Variants in GNAO1 observed in about 807,000 individuals in gnomAD.
GNAO1 encodes guanine nucleotide-binding protein G(o) subunit alpha.
For missense variants in GNAO1, 166 were observed against 478.7 expected, an observed-to-expected ratio of 0.35 and a Z score of 6.10; for synonymous variants, 164 against 180.7, an observed-to-expected ratio of 0.91 and a Z score of 0.74.
chr16:56,314,864 C>T (rs2143615555), intron 3 of GNAO1, among the ~76,000 whole-genome samples: 1 of 152,278 alleles, frequency 6.6e-6, no homozygotes, highest in East Asian at 1.9e-4. Context: ...CTGATCTAGC[C>T]AATCCCTTCC....
At chr16:56,329,499 T>G (rs1426308164) in intron 4 of GNAO1, among the ~76,000 whole-genome samples, 2 of 151,824 alleles carry the variant, frequency 1.3e-5, no homozygotes, top group Non-Finnish European at 2.9e-5. Flanking sequence ...GCTTTATCAC[T>G]CTAGGCATCT....
intron 2 of GNAO1, among the ~76,000 whole-genome samples, chr16:56,199,408 G>A (rs1174603933): frequency 1.3e-5 from 2 of 152,190 alleles, no homozygotes; most frequent in African/African-American, 2.4e-5. Context: ...AGTGACATTA[G>A]AAGAGAAGTG....
chr16:56,336,531 T>C, intron 5 of GNAO1, 200 bp from the exon 6 acceptor site: 1 of 555,416 alleles, frequency 1.8e-6, no homozygotes, highest in Non-Finnish European at 3.2e-6. Flanking sequence ...CAGGACAGAC[T>C]CCAGGGGTAG....
intron 2 of GNAO1, among the ~76,000 whole-genome samples, chr16:56,219,544 C>T (rs761480443): frequency 1.3e-5 from 2 of 152,226 alleles, no homozygotes; most frequent in East Asian, 3.9e-4. Context: ...TCTTTGGTAT[C>T]GGATATTAGG....
intron 2 of GNAO1, among the ~76,000 whole-genome samples, chr16:56,256,716 CTCTGTG>C (rs1223345111): frequency 4.5e-4 from 41 of 90,362 alleles, no homozygotes; most frequent in South Asian, 8.2e-4. Flanking sequence ...CTCTCTCTCT[CTCTGTG>C]TGTGTGTGTG....
chr16:56,344,640 T>TGGAGCGGGGGGAGGGAGAGATGGGA, intron 6 of GNAO1: 2 of 985,404 alleles, frequency 2.0e-6, no homozygotes, highest in Non-Finnish European at 2.4e-6. Context: ...GATGGTGGCG[T>TGGAGCGGGGGGAGGGAGAGATGGGA]GGAGCGGGGG....
In GNAO1 at chr16:56,296,053, C is replaced by G. The variant is rs150789009; in HGVS notation, c.303+19981C>G. 1.7e-3 allele frequency among the ~76,000 whole-genome samples: 266 copies of G among 152,334 alleles called. 1 individual carries two copies. Among genetic ancestry groups the G allele is most frequent in the African/African-American group, 6.3e-3 (260 of 41,582 alleles). ...TTTGGCAGGACCCATTCCTTTGATA[C>G]GTGATCAGAAAATTCAATTATAAAG... is the stretch of plus-strand genomic sequence containing the variant. On this transcript the variant is annotated intron_variant, in intron 3 of 8. Transcript: ENST00000262493.
chr16:56,249,480 C>T (rs1567454599), intron 2 of GNAO1, among the ~76,000 whole-genome samples: 1 of 152,020 alleles, frequency 6.6e-6, no homozygotes. Flanking sequence ...GAGAGGAGTG[C>T]TGGGGAGGAG....
At chr16:56,209,872 T>G (rs1213833182) in intron 2 of GNAO1, among the ~76,000 whole-genome samples, 1 of 152,090 alleles carries the variant, frequency 6.6e-6, no homozygotes. Context: ...GTTATTCCAG[T>G]TGATGAACCT....
At chr16:56,201,604 A>G (rs2036282639) in intron 2 of GNAO1, among the ~76,000 whole-genome samples, 1 of 152,188 alleles carries the variant, frequency 6.6e-6, no homozygotes, top group African/African-American at 2.4e-5. Flanking sequence ...CCCAGTTGGG[A>G]AAAAGATTAA....
chr16:56,247,486 T>G (rs1044962376), intron 2 of GNAO1, among the ~76,000 whole-genome samples: 3 of 134,278 alleles, frequency 2.2e-5, no homozygotes, highest in African/African-American at 1.0e-4. Flanking sequence ...GGTGAGGTTT[T>G]TTTTTTTTTT....
At chr16:56,238,066 G>A (rs937039983) in intron 2 of GNAO1, among the ~76,000 whole-genome samples, 3 of 152,128 alleles carry the variant, frequency 2.0e-5, no homozygotes, top group Admixed American at 6.5e-5. Flanking sequence ...GCTGAGGCTC[G>A]TGACAGAGGG....
chr16:56,192,645 C>T, intron 2 of GNAO1, 29 bp downstream of exon 2: 2 of 1,405,716 alleles, frequency 1.4e-6, no homozygotes, highest in Non-Finnish European at 2.0e-6. Flanking sequence ...GGGATTCGTA[C>T]TTTTATTAAG....
At chr16:56,253,963 A>G (rs1262062014) in intron 2 of GNAO1, among the ~76,000 whole-genome samples, 5 of 152,264 alleles carry the variant, frequency 3.3e-5, no homozygotes. Context: ...TATAATGTTA[A>G]ATGTTCCCAT....
At chr16:56,348,244 G>T (rs923580223) in intron 6 of GNAO1, 1 of 968,384 alleles carries the variant, frequency 1.0e-6, no homozygotes, top group Non-Finnish European at 1.2e-6. Flanking sequence ...CTCCTGCCAG[G>T]TGCACTTGCA....
rs1034229422 is a variant in GNAO1 at position 56,356,423 on chromosome 16, G to C, written c.*349G>C. On this transcript the variant is annotated 3_prime_UTR_variant, in exon 9 of 9. Transcript: ENST00000262493. ...CCGACGCCTGCCCCCGTCCCACCTC[G>C]CGGCGCAGCCCCTGGAGCTCCTGCT... The C allele has an allele frequency of 6.6e-6, 1 of 152,426 alleles. No homozygotes were observed. Among genetic ancestry groups the C allele is most frequent in the Admixed American group, 6.5e-5 (1 of 15,278 alleles). The allele number at this position is 152,426 out of a possible 1,614,324, so 9.4% of individuals were successfully genotyped here.
chr16:56,288,078 C>T (rs564429901), intron 3 of GNAO1, among the ~76,000 whole-genome samples: 1 of 152,292 alleles, frequency 6.6e-6, no homozygotes, highest in Admixed American at 6.5e-5. Context: ...TCCACAGCCC[C>T]TCCAGCCAGA....
At chr16:56,257,769 G>A (rs1455966502) in intron 2 of GNAO1, among the ~76,000 whole-genome samples, 1 of 152,170 alleles carries the variant, frequency 6.6e-6, no homozygotes, top group Non-Finnish European at 1.5e-5. Context: ...GAAACGTGAG[G>A]CTGATGCCAT....
intron 2 of GNAO1, among the ~76,000 whole-genome samples, chr16:56,249,160 AAGAG>A (rs574956541): frequency 9.9e-4 from 150 of 152,230 alleles, no homozygotes; most frequent in Non-Finnish European, 1.5e-3. Flanking sequence ...GTGTGAGAGA[AAGAG>A]AGGAGTCAAG....
Sources: allele counts gnomAD v4.1 joint callset (sites outside exome capture counted in the v4.1 genomes callset), GRCh38; gene constraint gnomAD v4.1.1; transcripts MANE v1.5; gene names NCBI Gene and HGNC (gene_info 2026-07-23, HGNC 2026-07-21).